The following NEK1 variants were observed in gnomAD, a reference collection of about 807,000 sequenced individuals.
NEK1 encodes the protein NIMA related kinase 1, also known as serine/threonine-protein kinase Nek1.
A neutral mutation model predicts 182.1 loss-of-function variants in NEK1; 137 were observed. The observed-to-expected ratio is 0.75, with a 90% CI of 0.65 to 0.87. The LOEUF is 0.87. Ranked by LOEUF, NEK1 falls within the 40% of genes least tolerant of loss-of-function variation. The probability of loss-of-function intolerance (pLI) is 0.00; values close to 1 mark genes in which losing one functional copy is unlikely to be tolerated. For missense variants in NEK1, 1,391 were observed against 1,494.4 expected (o/e 0.93, Z 1.14); for synonymous variants, 513 against 492.2 (o/e 1.04, Z -0.56).
At chr4:169,497,383 G>C (rs1437281063) in intron 23 of NEK1, among the ~76,000 whole-genome samples, 1 of 150,688 alleles carries the variant, frequency 6.6e-6, no homozygotes, top group Non-Finnish European at 1.5e-5. Flanking sequence ...TTTTTGGAGG[G>C]TTTTTTGTGT....
intron 14 of NEK1, 26 bp downstream of exon 14, chr4:169,561,806 G>T: frequency 6.2e-7 from 1 of 1,605,820 alleles, no homozygotes; most frequent in Non-Finnish European, 8.5e-7. Flanking sequence ...CTTGCCAAAG[G>T]TAGAAAAACA....
intron 35 of NEK1, among the ~76,000 whole-genome samples, chr4:169,394,994 A>G (rs1279889556): frequency 6.6e-6 from 1 of 152,206 alleles, no homozygotes; most frequent in African/African-American, 2.4e-5. Flanking sequence ...ATAAAATGTT[A>G]AAGAATAAAT....
At chr4:169,608,110 C>T (rs1771690318) in intron 2 of NEK1, among the ~76,000 whole-genome samples, 1 of 97,182 alleles carries the variant, frequency 1.0e-5, no homozygotes, top group Admixed American at 1.2e-4. Flanking sequence ...CAGACACACA[C>T]ACACATACAC....
intron 29 of NEK1, among the ~76,000 whole-genome samples, chr4:169,427,677 G>A (rs1736636980): frequency 6.6e-6 from 1 of 151,062 alleles, no homozygotes; most frequent in South Asian, 2.1e-4. Flanking sequence ...GTATTTTTCA[G>A]TAGAGATGGG....
intron 29 of NEK1, among the ~76,000 whole-genome samples, chr4:169,428,371 T>TATATATATATAA (rs1447545764): frequency 2.1e-5 from 3 of 144,784 alleles, no homozygotes; most frequent in Non-Finnish European, 3.0e-5. Flanking sequence ...TATATATATA[T>TATATATATATAA]AATGGAATAT....
At chr4:169,459,787 T>C (rs6840414) in intron 27 of NEK1, among the ~76,000 whole-genome samples, 29,754 of 151,958 alleles carry the variant, frequency 0.2, 4,410 homozygotes, top group African/African-American at 0.42. Context: ...CTGAAAAGAG[T>C]ACATACTGTA....
chr4:169,398,663 T>A (rs549120807), intron 35 of NEK1, among the ~76,000 whole-genome samples: 38 of 152,328 alleles, frequency 2.5e-4, no homozygotes, highest in African/African-American at 8.4e-4. Context: ...TGTGCTCATT[T>A]GTCCAATTTG....
At chr4:169,526,562 T>C (rs1038154651) in intron 19 of NEK1, among the ~76,000 whole-genome samples, 1 of 152,212 alleles carries the variant, frequency 6.6e-6, no homozygotes, top group African/African-American at 2.4e-5. Flanking sequence ...CTTTAAACTA[T>C]AATTCAACCT....
chr4:169,506,946 G>A, intron 23 of NEK1, 91 bp downstream of exon 23: 2 of 710,454 alleles, frequency 2.8e-6, no homozygotes, highest in Non-Finnish European at 4.2e-6. Context: ...AAAAAAAAAA[G>A]CACAAGAAAA....
chr4:169,508,660 C>A (rs577655040), intron 20 of NEK1, 109 bp downstream of exon 20: 7 of 826,954 alleles, frequency 8.5e-6, no homozygotes, highest in South Asian at 6.7e-5. Flanking sequence ...TCCCTACAGA[C>A]CTACAAAATC....
At chr4:169,501,787 AC>A (rs557261610) in intron 23 of NEK1, among the ~76,000 whole-genome samples, 26 of 152,290 alleles carry the variant, frequency 1.7e-4, no homozygotes, top group African/African-American at 6.3e-4. Context: ...AAATGCTTAT[AC>A]AAAAATAATA....
intron 23 of NEK1, among the ~76,000 whole-genome samples, chr4:169,492,558 C>T (rs1044582829): frequency 3.3e-5 from 5 of 152,088 alleles, no homozygotes; most frequent in African/African-American, 1.2e-4. Context: ...TAGAGGACTT[C>T]CTGAAAACAG....
At position 169,423,385 on chromosome 4, in the gene NEK1, G is replaced by A. The variant is rs142393295; in HGVS notation, c.3222+1168C>T. Among the ~76,000 whole-genome samples, 314 of 152,258 alleles carry A rather than the reference G, an allele frequency of 2.1e-3. 1 individual carries two copies. Among genetic ancestry groups the A allele is most frequent in the African/African-American group, 7.1e-3 (297 of 41,560 alleles). On this transcript the variant is annotated intron_variant, in intron 31 of 35. Transcript: ENST00000507142. ...CCCAAAGTGCTGGGATTCTAGGTAT[G>A]AGCCAGCATGCCTGGCCAAAATGAC...
chr4:169,539,974 G>T (rs920838454), intron 18 of NEK1, among the ~76,000 whole-genome samples: 3 of 152,030 alleles, frequency 2.0e-5, no homozygotes, highest in Non-Finnish European at 4.4e-5. Context: ...TAAGAACCTG[G>T]TCATCTGTAT....
At chr4:169,475,740 G>A (rs1292240383) in intron 26 of NEK1, among the ~76,000 whole-genome samples, 1 of 152,108 alleles carries the variant, frequency 6.6e-6, no homozygotes, top group Non-Finnish European at 1.5e-5. Context: ...AAAAAGTTAA[G>A]TAGAGACATG....
intron 19 of NEK1, 34 bp downstream of exon 19, chr4:169,537,775 C>T: frequency 1.4e-6 from 2 of 1,472,146 alleles, no homozygotes; most frequent in Non-Finnish European, 1.9e-6. Flanking sequence ...AATACTAATA[C>T]ATTCAAAATC....
intron 18 of NEK1, among the ~76,000 whole-genome samples, chr4:169,552,891 G>A (rs145340150): frequency 3.3e-5 from 5 of 152,020 alleles, no homozygotes; most frequent in South Asian, 2.1e-4. Flanking sequence ...AAATATGCAC[G>A]GGTATGAGGA....
At chr4:169,589,378 T>C in intron 7 of NEK1, 69 bp downstream of exon 7, 6 of 867,560 alleles carry the variant, frequency 6.9e-6, no homozygotes, top group Non-Finnish European at 1.1e-5. Flanking sequence ...AATTATCACA[T>C]ATACATCATC....
At chr4:169,485,122 C>G (rs912803677) in intron 23 of NEK1, among the ~76,000 whole-genome samples, 38 of 152,250 alleles carry the variant, frequency 2.5e-4, no homozygotes, top group Non-Finnish European at 7.4e-5. Flanking sequence ...TTTATTGGCA[C>G]TTTTATAATA....
Sources: allele counts gnomAD v4.1 joint callset (sites outside exome capture counted in the v4.1 genomes callset), GRCh38; gene constraint gnomAD v4.1.1; transcripts MANE v1.5; gene names NCBI Gene and HGNC (gene_info 2026-07-23, HGNC 2026-07-21).